Variants in ANO4 observed in about 807,000 individuals in gnomAD.
The protein encoded by ANO4 is anoctamin-4.
ANO4 carries 69 observed loss-of-function variants against 141.9 expected under a neutral mutation model. The ratio of observed to expected loss-of-function variants is 0.49; its 90% CI spans 0.40 to 0.59. The LOEUF (loss-of-function observed/expected upper bound fraction) is 0.59, where lower values mean the gene tolerates loss of function less well. Among genes scored for constraint, ANO4 ranks in the 20% least tolerant of loss-of-function variants. The probability of loss-of-function intolerance (pLI) is 0.00; values close to 1 mark genes in which losing one functional copy is unlikely to be tolerated. For synonymous variants in ANO4, 350 were observed against 394.3 expected (o/e 0.89, Z 1.33); for missense variants, 894 against 1,162.2 (o/e 0.77, Z 3.36).
At chr12:101,085,822 T>C (rs1412130979) in intron 16 of ANO4, among the ~76,000 whole-genome samples, 1 of 152,154 alleles carries the variant, frequency 6.6e-6, no homozygotes, top group East Asian at 1.9e-4. Context: ...GTAATTATGC[T>C]AAGGTGCTGT....
intron 8 of ANO4, among the ~76,000 whole-genome samples, chr12:101,001,541 T>G (rs2045640764): frequency 6.6e-6 from 1 of 152,190 alleles, no homozygotes; most frequent in South Asian, 2.1e-4. Context: ...ACAAATAGAC[T>G]TGGAGTTAGA....
intron 5 of ANO4, among the ~76,000 whole-genome samples, chr12:100,966,852 T>C (rs201930356): frequency 6.9e-6 from 1 of 145,522 alleles, no homozygotes; most frequent in South Asian, 2.2e-4. Context: ...CACACACATA[T>C]ACACACATGT....
At chr12:100,952,797 T>G (rs1189712723) in intron 5 of ANO4, among the ~76,000 whole-genome samples, 1 of 152,208 alleles carries the variant, frequency 6.6e-6, no homozygotes, top group African/African-American at 2.4e-5. Context: ...GGCCTCATTA[T>G]TGCCTCAACT....
intron 1 of ANO4, among the ~76,000 whole-genome samples, chr12:100,832,972 T>A (rs954065253): frequency 7.9e-5 from 12 of 152,162 alleles, no homozygotes; most frequent in Non-Finnish European, 1.8e-4. Context: ...AGGAATTGGT[T>A]TTTATGCTTT....
chr12:100,859,168 C>T (rs1457765261), intron 1 of ANO4: 6 of 152,072 alleles, frequency 3.9e-5, no homozygotes, highest in Admixed American at 6.6e-5. Flanking sequence ...TAGTATAGTT[C>T]GGTCCAGGCT....
chr12:100,844,364 A>G (rs533988178), intron 1 of ANO4, among the ~76,000 whole-genome samples: 12 of 151,986 alleles, frequency 7.9e-5, no homozygotes, highest in Non-Finnish European at 1.3e-4. Flanking sequence ...CAAGCAGGAG[A>G]GTAACATGTT....
chr12:100,756,528 T>G (rs1202052472), intron 3 of ANO4, among the ~76,000 whole-genome samples: 1 of 152,108 alleles, frequency 6.6e-6, no homozygotes, highest in Non-Finnish European at 1.5e-5. Flanking sequence ...TTTTGTATTT[T>G]TAGTAGAGAT....
intron 7 of ANO4, among the ~76,000 whole-genome samples, chr12:100,979,073 A>G (rs1377635474): frequency 1.3e-5 from 2 of 152,094 alleles, no homozygotes; most frequent in Admixed American, 6.5e-5. Flanking sequence ...ATCTGCATTA[A>G]TGGGATGGGG....
intron 14 of ANO4, among the ~76,000 whole-genome samples, chr12:101,073,345 T>C (rs2048896458): frequency 6.6e-6 from 1 of 152,018 alleles, no homozygotes; most frequent in Admixed American, 6.6e-5. Flanking sequence ...CACCGCATGT[T>C]CTCACTCGTA....
chr12:101,065,600 A>C (rs764279844), intron 14 of ANO4, among the ~76,000 whole-genome samples: 5 of 152,196 alleles, frequency 3.3e-5, no homozygotes, highest in African/African-American at 4.8e-5. Flanking sequence ...AATGAGTAAC[A>C]AGATAGAAGC....
intron 1 of ANO4, among the ~76,000 whole-genome samples, chr12:100,871,982 A>G (rs981511546): frequency 5.9e-5 from 9 of 152,314 alleles, no homozygotes; most frequent in Admixed American, 5.9e-4. Flanking sequence ...ATAAATTTTG[A>G]GTAGCAATCT....
At chr12:100,717,842 G>A (rs1221185121) in intron 1 of ANO4, among the ~76,000 whole-genome samples, 1 of 152,236 alleles carries the variant, frequency 6.6e-6, no homozygotes, top group Non-Finnish European at 1.5e-5. Context: ...GGGAAGGGAC[G>A]CGGGTGTTAA....
intron 14 of ANO4, chr12:101,068,862 T>C: frequency 1.1e-6 from 1 of 902,096 alleles, no homozygotes; most frequent in Non-Finnish European, 1.9e-6. Context: ...AAGTAGAGGG[T>C]TGAATCTCAT....
chr12:100,783,312 A>T (rs1039591299), intron 3 of ANO4, among the ~76,000 whole-genome samples: 1 of 152,170 alleles, frequency 6.6e-6, no homozygotes, highest in African/African-American at 2.4e-5. Context: ...CCCCATTTTC[A>T]ATAGATCTTA....
chr12:100,973,908 T>C (rs1383026644), intron 6 of ANO4, among the ~76,000 whole-genome samples: 2 of 152,242 alleles, frequency 1.3e-5, no homozygotes, highest in African/African-American at 4.8e-5. Flanking sequence ...TTATTGTCTC[T>C]ATAGTTTTGC....
intron 9 of ANO4, among the ~76,000 whole-genome samples, chr12:101,033,671 C>T (rs1009228578): frequency 1.3e-5 from 2 of 152,210 alleles, no homozygotes; most frequent in Non-Finnish European, 2.9e-5. Context: ...AGCTTCTGCA[C>T]AGCAAAAGAA....
chr12:100,881,139 T>TG lies in ANO4; in HGVS notation c.-140-20501dup, dbSNP rs979442923. On this transcript the variant is annotated intron_variant, in intron 1 of 27. Coordinates refer to ENST00000392977, the MANE Select transcript of ANO4 (RefSeq NM_001286615.2). ...TCACACACCAGGGACTGTTTTGGGG[T>TG]GGGGGGAGGCGGGAGGGATAGCATT... is the stretch of plus-strand genomic sequence containing the variant. 4.7e-5 allele frequency among the ~76,000 whole-genome samples: 3 copies of TG among 63,958 alleles called. 1 individual carries two copies. Among genetic ancestry groups the TG allele is most frequent in the African/African-American group, 1.8e-4 (3 of 16,516 alleles). The allele number at this position is 63,958 out of a possible 152,430, so 42.0% of individuals were successfully genotyped here. A position where few individuals can be genotyped will look rare whatever the true frequency, so the allele number is the denominator to read the frequency against.
At chr12:100,953,125 A>G (rs180782105) in intron 5 of ANO4, among the ~76,000 whole-genome samples, 35 of 152,376 alleles carry the variant, frequency 2.3e-4, no homozygotes, top group Admixed American at 2.3e-3. Context: ...TTGCATAATC[A>G]TCATTATGTG....
At chr12:101,028,329 A>C (rs1373714479) in intron 9 of ANO4, among the ~76,000 whole-genome samples, 1 of 152,204 alleles carries the variant, frequency 6.6e-6, no homozygotes, top group Non-Finnish European at 1.5e-5. Flanking sequence ...GAAGGATGAG[A>C]TGGACAAATT....
Sources: allele counts gnomAD v4.1 joint callset (sites outside exome capture counted in the v4.1 genomes callset), GRCh38; gene constraint gnomAD v4.1.1; transcripts MANE v1.5; gene names NCBI Gene and HGNC (gene_info 2026-07-23, HGNC 2026-07-21).